The following TRMT11 variants were observed in gnomAD, a reference collection of about 807,000 sequenced individuals.
TRMT11 encodes the protein tRNA methyltransferase 11, also known as tRNA (guanine(10)-N(2))-methyltransferase TRMT11.
Under a neutral mutation model 62.8 loss-of-function variants are expected in TRMT11, and 53 were observed. The observed-to-expected ratio is 0.84, with a 90% confidence interval of 0.68 to 1.06. TRMT11 has a LOEUF of 1.06. Ranked by LOEUF, TRMT11 falls within the 50% of genes least tolerant of loss-of-function variation. The pLI, the probability that TRMT11 is intolerant of heterozygous loss-of-function variation, is 0.00. For synonymous variants in TRMT11, 188 were observed against 190.3 expected (o/e 0.99, Z 0.10); for missense variants, 556 against 553.4 (o/e 1.00, Z -0.05).
At chr6:126,244,787 A>G in the TRMT11 span, among the ~76,000 whole-genome samples, 1 of 152,190 alleles carries the variant, frequency 6.6e-6, no homozygotes, top group Non-Finnish European at 1.5e-5. Flanking sequence ...GCAAGGTGCA[A>G]TTTATTTGAT....
intron 17 of TRMT11, among the ~76,000 whole-genome samples, chr6:126,067,354 C>T (rs528190916): frequency 6.6e-6 from 1 of 152,294 alleles, no homozygotes; most frequent in South Asian, 2.1e-4. Flanking sequence ...CACCTCTGTG[C>T]CTTCTAAGTG....
chr6:126,202,745 C>T (rs186396902), downstream of TRMT11, among the ~76,000 whole-genome samples: 21 of 152,134 alleles, frequency 1.4e-4, no homozygotes, highest in Admixed American at 5.9e-4. Flanking sequence ...CATGCACAAA[C>T]TTGAAGAATT....
At chr6:126,060,398 T>A (rs897704996) in intron 17 of TRMT11, among the ~76,000 whole-genome samples, 3 of 152,216 alleles carry the variant, frequency 2.0e-5, no homozygotes, top group Non-Finnish European at 4.4e-5. Context: ...TCACGGGCTC[T>A]CTGGCTCAAG....
chr6:126,112,801 A>G (rs1459360595), intron 17 of TRMT11, among the ~76,000 whole-genome samples: 1 of 151,706 alleles, frequency 6.6e-6, no homozygotes, highest in African/African-American at 2.4e-5. Flanking sequence ...TCTTTCAGTC[A>G]TTGACTGTTA....
At chr6:126,199,288 T>C (rs1229393494) in intron 2 of TRMT11, among the ~76,000 whole-genome samples, 1 of 152,234 alleles carries the variant, frequency 6.6e-6, no homozygotes, top group African/African-American at 2.4e-5. Context: ...TCTATGTGTA[T>C]ACTTAGGGTA....
chr6:126,068,457 AT>A (rs1164493657), intron 17 of TRMT11, among the ~76,000 whole-genome samples: 2 of 152,040 alleles, frequency 1.3e-5, no homozygotes, highest in Non-Finnish European at 2.9e-5. Context: ...TTTGGAGGTA[AT>A]TTTAATGTGT....
chr6:126,151,810 C>CTTTCTTTCTTTCTTTAGT (rs1355544517), intron 21 of TRMT11, among the ~76,000 whole-genome samples: 13 of 71,116 alleles, frequency 1.8e-4, no homozygotes, highest in Non-Finnish European at 3.0e-4. Flanking sequence ...TCTGTCTTTT[C>CTTTCTTTCTTTCTTTAGT]TTTCTTTCTT....
intron 11 of TRMT11, among the ~76,000 whole-genome samples, chr6:126,013,527 T>C (rs544783902): frequency 3.3e-5 from 5 of 152,178 alleles, no homozygotes; most frequent in Non-Finnish European, 7.4e-5. Context: ...TCCTGAAGTG[T>C]TGTGATTATA....
chr6:126,212,433 G>A, the TRMT11 span, among the ~76,000 whole-genome samples: 1 of 152,118 alleles, frequency 6.6e-6, no homozygotes, highest in Non-Finnish European at 1.5e-5. Context: ...GTCAGCACTT[G>A]TTATTGCCTG....
intron 17 of TRMT11, among the ~76,000 whole-genome samples, chr6:126,093,623 A>ATTTTTTTTTTTTTTTTT (rs1301464523): frequency 9.9e-6 from 1 of 101,198 alleles, no homozygotes; most frequent in African/African-American, 5.4e-5. Flanking sequence ...ATATATATAT[A>ATTTTTTTTTTTTTTTTT]TATATATATT....
intron 17 of TRMT11, among the ~76,000 whole-genome samples, chr6:126,095,311 T>G (rs928668997): frequency 6.6e-5 from 10 of 152,190 alleles, no homozygotes; most frequent in African/African-American, 2.2e-4. Flanking sequence ...CTCAGCTATA[T>G]TGCCTACTGA....
At chr6:126,117,193 C>T (rs1209466928) in intron 21 of TRMT11, among the ~76,000 whole-genome samples, 1 of 152,104 alleles carries the variant, frequency 6.6e-6, no homozygotes, top group Non-Finnish European at 1.5e-5. Flanking sequence ...AAATTCACTA[C>T]TGCCTGGAGG....
the TRMT11 span, among the ~76,000 whole-genome samples, chr6:126,226,392 C>G: frequency 6.6e-6 from 1 of 152,046 alleles, no homozygotes; most frequent in African/African-American, 2.4e-5. Flanking sequence ...CTTAAGAATA[C>G]CGTTTGTTAC....
At position 126,028,122 on chromosome 6, in the gene TRMT11, A is replaced by C. The variant is rs559701851; in HGVS notation, c.1260+6842A>C. Among the ~76,000 whole-genome samples, 48 of 152,298 alleles carry C rather than the reference A, an allele frequency of 3.2e-4. 1 individual carries two copies. The highest frequency in any genetic ancestry group is 9.6e-4 in the African/African-American group (40 of 41,560). On this transcript the variant is annotated intron_variant, in intron 12 of 12. Coordinates refer to ENST00000334379, the MANE Select transcript of TRMT11 (RefSeq NM_001031712.3). ...TTTTCTTTCACAGCTATTTGAATTA[A>C]AGTGAGTCTCTTCTGATTGACTTTT...
chr6:126,238,164 C>T, the TRMT11 span, among the ~76,000 whole-genome samples: 25 of 152,212 alleles, frequency 1.6e-4, no homozygotes, highest in African/African-American at 5.1e-4. Flanking sequence ...GAAACCATCT[C>T]CTGGATTCAT....
At chr6:126,241,580 A>G in the TRMT11 span, among the ~76,000 whole-genome samples, 3 of 152,196 alleles carry the variant, frequency 2.0e-5, no homozygotes, top group Non-Finnish European at 4.4e-5. Context: ...GCAACACATC[A>G]AAAAGCTTAT....
rs1054950871 is a variant in TRMT11 at position 126,049,861 on chromosome 6, T to C, written c.*1370-3262T>C. Among the ~76,000 whole-genome samples the C allele has an allele frequency of 3.3e-5, 5 of 152,306 alleles. 1 individual carries two copies. The highest frequency in any genetic ancestry group is 2.0e-4 in the Admixed American group (3 of 15,306). Reference sequence around the variant, plus strand: ...AGCACATTTCAGATTGGGGGTGTTATGTGAATAGTGTGAGGAAAGTTCAGA... The same window carrying C: ...AGCACATTTCAGATTGGGGGTGTTACGTGAATAGTGTGAGGAAAGTTCAGA... On this transcript the variant is annotated intron_variant and NMD_transcript_variant, in intron 16 of 22. Coordinates refer to the TRMT11 transcript ENST00000648977.
At chr6:126,152,601 CA>C (rs553865484) in intron 21 of TRMT11, among the ~76,000 whole-genome samples, 247 of 152,240 alleles carry the variant, frequency 1.6e-3, no homozygotes, top group South Asian at 3.1e-3. Context: ...ACAACTAATA[CA>C]GAGATGATAT....
chr6:126,257,927 C>T, the TRMT11 span: 1 of 1,545,578 alleles, frequency 6.5e-7, no homozygotes, highest in Non-Finnish European at 8.9e-7. Flanking sequence ...ACCCTCACTT[C>T]TTCTGGGGTG....
Sources: gnomAD v4.1 joint callset for allele counts (sites outside exome capture counted in the v4.1 genomes callset) on GRCh38, gnomAD v4.1.1 for gene constraint, MANE v1.5 for transcripts, NCBI Gene and HGNC (gene_info 2026-07-23, HGNC 2026-07-21) for gene names.